Variants in MYRIP observed in about 807,000 individuals in gnomAD.
MYRIP encodes myosin VIIA and Rab interacting protein.
Under a neutral mutation model 98.0 loss-of-function variants are expected in MYRIP, and 49 were observed. That is an observed-to-expected ratio of 0.50 (90% CI 0.40 to 0.63). MYRIP has a LOEUF of 0.63. Among genes scored for constraint, MYRIP ranks in the 30% least tolerant of loss-of-function variants. The pLI is 0.00. For missense variants in MYRIP, 1,004 were observed against 1,058.2 expected, an observed-to-expected ratio of 0.95 and a Z score of 0.71; for synonymous variants, 404 against 409.5, an observed-to-expected ratio of 0.99 and a Z score of 0.16.
At chr3:40,244,659 C>A in intron 13 of MYRIP, 52 bp downstream of exon 13, 2 of 1,523,184 alleles carry the variant, frequency 1.3e-6, no homozygotes, top group South Asian at 1.3e-5. Flanking sequence ...AAACAGGGAG[C>A]CCCATGTTCT....
Position 40,189,047 on chromosome 3 carries a change from C to T in MYRIP, c.1028-779C>T, listed in dbSNP as rs546518857. 2.3e-4 allele frequency among the ~76,000 whole-genome samples: 35 copies of T among 152,338 alleles called. No homozygotes were observed. The South Asian group carries it at 7.0e-3, about 31-fold the overall frequency. ...CATAGTCACAGCCTGAGAACTGCTCCAGCTGTCCTTGCATGGTGCTCTGCA... is the reference window on the plus strand; with the variant it reads ...CATAGTCACAGCCTGAGAACTGCTCTAGCTGTCCTTGCATGGTGCTCTGCA... On this transcript the variant is annotated intron_variant, in intron 9 of 16. Transcript: ENST00000302541.
intron 7 of MYRIP, among the ~76,000 whole-genome samples, chr3:40,167,833 ACAGG>A (rs1326775021): frequency 6.6e-6 from 1 of 152,218 alleles, no homozygotes; most frequent in African/African-American, 2.4e-5. Context: ...TATAAAGGGT[ACAGG>A]TGAACGGCCA....
In MYRIP at chr3:40,004,082, A is replaced by G. The variant is rs370288287; in HGVS notation, c.111-39968A>G. On this transcript the variant is annotated intron_variant, in intron 2 of 16. Coordinates refer to ENST00000302541, the MANE Select transcript of MYRIP (RefSeq NM_015460.4). ...TCTAGGTGTCTATGAACATGTTTCA[A>G]TCTAGTGGATTTCAGCACAGGCATG... is the stretch of plus-strand genomic sequence containing the variant. Among the ~76,000 whole-genome samples the G allele has an allele frequency of 7.9e-4, 121 of 152,308 alleles. 2 individuals are homozygous for G. The South Asian group carries it at 0.024, about 30-fold the overall frequency.
intron 1 of MYRIP, among the ~76,000 whole-genome samples, chr3:39,852,425 G>T (rs1277999219): frequency 1.3e-5 from 2 of 152,158 alleles, no homozygotes; most frequent in Non-Finnish European, 2.9e-5. Flanking sequence ...TGGAACAGGT[G>T]GTGCTTGGTT....
intron 2 of MYRIP, among the ~76,000 whole-genome samples, chr3:40,014,229 C>A (rs912256287): frequency 6.6e-6 from 1 of 152,142 alleles, no homozygotes; most frequent in Admixed American, 6.5e-5. Flanking sequence ...CCAGAATTCC[C>A]AAGATCAAAA....
intron 3 of MYRIP, among the ~76,000 whole-genome samples, chr3:40,142,244 G>C (rs576420807): frequency 6.6e-6 from 1 of 151,760 alleles, no homozygotes; most frequent in African/African-American, 2.4e-5. Flanking sequence ...GTAGAGACGG[G>C]GTTTTACCAT....
chr3:40,120,619 A>G (rs1949382906), intron 3 of MYRIP, among the ~76,000 whole-genome samples: 1 of 152,176 alleles, frequency 6.6e-6, no homozygotes, highest in Non-Finnish European at 1.5e-5. Flanking sequence ...ACACTGACTG[A>G]TATGGTTGAG....
intron 10 of MYRIP, among the ~76,000 whole-genome samples, chr3:40,195,362 G>A (rs867592027): frequency 6.6e-6 from 1 of 152,034 alleles, no homozygotes; most frequent in South Asian, 2.1e-4. Flanking sequence ...GTGGCACAAC[G>A]GCTCACTGCA....
intron 3 of MYRIP, among the ~76,000 whole-genome samples, chr3:40,108,266 C>A (rs540520951): frequency 1.5e-5 from 1 of 68,300 alleles, no homozygotes; most frequent in African/African-American, 4.1e-5. Flanking sequence ...CTACAACCAG[C>A]TTGTGTGAAA....
chr3:40,218,659 T>TACATACAC (rs1952230942), intron 11 of MYRIP, among the ~76,000 whole-genome samples: 1 of 135,024 alleles, frequency 7.4e-6, no homozygotes, highest in Non-Finnish European at 1.6e-5. Flanking sequence ...TATATATACA[T>TACATACAC]ACACACACAT....
intron 3 of MYRIP, among the ~76,000 whole-genome samples, chr3:40,120,455 A>G (rs185466278): frequency 4.6e-5 from 7 of 152,380 alleles, no homozygotes; most frequent in East Asian, 1.9e-4. Context: ...AGAGCAAAAC[A>G]GGCTCACATC....
intron 3 of MYRIP, among the ~76,000 whole-genome samples, chr3:40,122,322 G>T (rs1949421105): frequency 6.6e-6 from 1 of 151,580 alleles, no homozygotes; most frequent in Admixed American, 6.6e-5. Context: ...AAATTAAGGA[G>T]ATTATAGAGG....
chr3:40,119,833 G>A (rs1185004792), intron 3 of MYRIP, among the ~76,000 whole-genome samples: 1 of 151,906 alleles, frequency 6.6e-6, no homozygotes, highest in Non-Finnish European at 1.5e-5. Context: ...GAGTTAATGG[G>A]TGCAGCACAC....
intron 2 of MYRIP, among the ~76,000 whole-genome samples, chr3:39,958,339 T>A (rs35173324): frequency 4.6e-5 from 7 of 151,708 alleles, no homozygotes; most frequent in Non-Finnish European, 8.8e-5. Context: ...AGATATAGAC[T>A]GATGGAACAG....
At chr3:39,924,214 T>A (rs985192716) in intron 2 of MYRIP, among the ~76,000 whole-genome samples, 3 of 152,124 alleles carry the variant, frequency 2.0e-5, no homozygotes, top group Admixed American at 6.5e-5. Context: ...AAACATATCC[T>A]AGTCATATGC....
At chr3:39,983,898 T>A (rs1945956578) in intron 2 of MYRIP, among the ~76,000 whole-genome samples, 2 of 152,240 alleles carry the variant, frequency 1.3e-5, no homozygotes, top group South Asian at 4.1e-4. Context: ...TATTATTAAC[T>A]AGTGAGCTTC....
intron 3 of MYRIP, among the ~76,000 whole-genome samples, chr3:40,085,086 T>C (rs984974282): frequency 4.0e-5 from 6 of 150,778 alleles, no homozygotes; most frequent in East Asian, 4.0e-4. Flanking sequence ...ATAATATGTG[T>C]CTATGTGTTA....
At chr3:40,190,734 T>C (rs554396774) in intron 10 of MYRIP, among the ~76,000 whole-genome samples, 3 of 152,288 alleles carry the variant, frequency 2.0e-5, no homozygotes, top group Non-Finnish European at 4.4e-5. Context: ...AGGAAACTCA[T>C]TAGAAATCTG....
At chr3:40,159,580 T>C (rs2125586220) in intron 4 of MYRIP, among the ~76,000 whole-genome samples, 1 of 152,108 alleles carries the variant, frequency 6.6e-6, no homozygotes, top group East Asian at 1.9e-4. Context: ...GATAATATCC[T>C]GCAGAGTGTT....
Sources: allele counts gnomAD v4.1 joint callset (sites outside exome capture counted in the v4.1 genomes callset), GRCh38; gene constraint gnomAD v4.1.1; transcripts MANE v1.5; gene names NCBI Gene and HGNC (gene_info 2026-07-23, HGNC 2026-07-21).